Variants in MID1 observed in about 807,000 individuals in gnomAD.
MID1 encodes E3 ubiquitin-protein ligase Midline-1.
MID1 carries 7 observed loss-of-function variants against 40.4 expected under a neutral mutation model. The ratio of observed to expected loss-of-function variants is 0.17; its 90% CI spans 0.10 to 0.33. MID1 has a LOEUF of 0.33. Ranked by LOEUF, MID1 falls within the 10% of genes least tolerant of loss-of-function variation. The probability of loss-of-function intolerance (pLI) is 1.00; values close to 1 mark genes in which losing one functional copy is unlikely to be tolerated. For missense variants in MID1, 367 were observed against 558.5 expected (o/e 0.66, Z 3.46); for synonymous variants, 229 against 221.2 (o/e 1.04, Z -0.31).
intron 1 of MID1, among the ~76,000 whole-genome samples, chrX:10,746,204 T>C (rs954108240): frequency 3.6e-5 from 4 of 111,732 alleles, no homozygotes; most frequent in African/African-American, 1.3e-4. Context: ...AGAGACAATG[T>C]GGATTGTGAC....
intron 1 of MID1, among the ~76,000 whole-genome samples, chrX:10,651,672 C>G (rs1410280790): frequency 8.9e-6 from 1 of 112,617 alleles, no homozygotes. Flanking sequence ...GTTGTCCAGG[C>G]TGGAGTGCAT....
At chrX:10,672,055 T>G (rs1233258521) in intron 1 of MID1, among the ~76,000 whole-genome samples, 2 of 110,851 alleles carry the variant, frequency 1.8e-5, no homozygotes, top group East Asian at 2.8e-4. Flanking sequence ...TGAAACCCCA[T>G]GTCTGCAAAA....
chrX:10,451,374 G>A (rs183802278), intron 9 of MID1, among the ~76,000 whole-genome samples: 38 of 111,429 alleles, frequency 3.4e-4, no homozygotes, highest in East Asian at 1.1e-3. Context: ...CTAGATGAGC[G>A]CCTGAGTACA....
intron 1 of MID1, among the ~76,000 whole-genome samples, chrX:10,630,310 G>C (rs1187320544): frequency 1.8e-5 from 2 of 111,289 alleles, no homozygotes; most frequent in Non-Finnish European, 1.9e-5. Context: ...TATTTTATAG[G>C]GTGATATTTT....
intron 1 of MID1, among the ~76,000 whole-genome samples, chrX:10,651,551 G>A (rs977627214): frequency 8.9e-6 from 1 of 112,380 alleles, no homozygotes; most frequent in Non-Finnish European, 1.9e-5. Context: ...ATGCCTCTAC[G>A]TCTACTTGCT....
chrX:10,756,994 G>A (rs369259546), intron 1 of MID1, among the ~76,000 whole-genome samples: 2 of 111,631 alleles, frequency 1.8e-5, no homozygotes, highest in East Asian at 2.8e-4. Flanking sequence ...TGAATACCAG[G>A]AGCACCAGGT....
At chrX:10,814,652 T>G (rs911498549) in intron 1 of MID1, among the ~76,000 whole-genome samples, 1 of 110,601 alleles carries the variant, frequency 9.0e-6, no homozygotes, top group Non-Finnish European at 1.9e-5. Context: ...TTTAGTTATA[T>G]CACTGCAAAG....
chrX:10,559,937 T>C (rs1470210010), intron 2 of MID1, among the ~76,000 whole-genome samples: 1 of 108,462 alleles, frequency 9.2e-6, no homozygotes, highest in Non-Finnish European at 1.9e-5. Context: ...GGTTGGAGCA[T>C]AGTGGTGTAA....
At chrX:10,454,058 C>A (rs1219463732) in intron 9 of MID1, among the ~76,000 whole-genome samples, 1 of 112,343 alleles carries the variant, frequency 8.9e-6, no homozygotes, top group African/African-American at 3.2e-5. Flanking sequence ...GTGAGACAGA[C>A]GGTCAAAGGG....
intron 1 of MID1, among the ~76,000 whole-genome samples, chrX:10,719,420 C>G (rs1268599335): frequency 7.2e-4 from 80 of 110,991 alleles, no homozygotes; most frequent in Non-Finnish European, 1.4e-3. Flanking sequence ...AACAGAGAGC[C>G]AAATCATGAG....
chrX:10,821,855 G>T (rs1351080526), intron 1 of MID1, among the ~76,000 whole-genome samples: 1 of 110,214 alleles, frequency 9.1e-6, no homozygotes, highest in Non-Finnish European at 1.9e-5. Flanking sequence ...AGCAATTTGT[G>T]GCTTGCCTCT....
chrX:10,701,386 G>C (rs1425914198), intron 1 of MID1, among the ~76,000 whole-genome samples: 2 of 111,774 alleles, frequency 1.8e-5, no homozygotes, highest in Non-Finnish European at 3.8e-5. Context: ...ATGCTTAGAA[G>C]GACAAAATAG....
intron 7 of MID1, among the ~76,000 whole-genome samples, chrX:10,466,827 G>C (rs752800614): frequency 8.9e-6 from 1 of 112,027 alleles, no homozygotes; most frequent in East Asian, 2.8e-4. Flanking sequence ...ATGTAGCCAA[G>C]ATCAGTGAAA....
chrX:10,506,986 C>T (rs931396441), intron 3 of MID1, among the ~76,000 whole-genome samples: 1 of 111,577 alleles, frequency 9.0e-6, no homozygotes, highest in East Asian at 2.8e-4. Flanking sequence ...ATGTATATTT[C>T]CTCATCTAGT....
intron 2 of MID1, among the ~76,000 whole-genome samples, chrX:10,537,436 C>T (rs183210730): frequency 4.5e-5 from 5 of 112,241 alleles, no homozygotes; most frequent in Middle Eastern, 4.7e-3. Flanking sequence ...CTGTGACCTT[C>T]GTCTATCACT....
chrX:10,479,249 A>G (rs1042285649), intron 5 of MID1, among the ~76,000 whole-genome samples: 15 of 112,197 alleles, frequency 1.3e-4, no homozygotes, highest in Non-Finnish European at 2.1e-4. Flanking sequence ...TATGGAGTAC[A>G]TGAGATATTT....
At chrX:10,712,813 CTTTA>C (rs940577253) in intron 1 of MID1, among the ~76,000 whole-genome samples, 3 of 111,401 alleles carry the variant, frequency 2.7e-5, no homozygotes, top group Non-Finnish European at 5.7e-5. Context: ...GTTCACTATG[CTTTA>C]TTTATTATTT....
Position 10,446,622 on chromosome X carries a change from A to G in MID1, c.*2746T>C, listed in dbSNP as rs1000561972. On this transcript the variant is annotated 3_prime_UTR_variant, in exon 10 of 10. Transcript: ENST00000317552. ...TTCTTTATTTGTATCCACCAGGAAG[A>G]GAGGTACCACGTTTCTGAGTTCTTT... is the stretch of plus-strand genomic sequence containing the variant. The G allele has an allele frequency of 2.7e-5, 3 of 112,404 alleles. No individual in the cohort carries two copies. Among genetic ancestry groups the G allele is most frequent in the African/African-American group, 9.7e-5 (3 of 30,901 alleles). The allele number at this position is 112,404 out of a possible 1,213,427, so 9.3% of individuals were successfully genotyped here.
upstream of MID1, among the ~76,000 whole-genome samples, chrX:10,621,228 T>A (rs914464953): frequency 2.7e-5 from 3 of 110,785 alleles, no homozygotes; most frequent in Non-Finnish European, 5.7e-5. Flanking sequence ...AAAAAAAAAA[T>A]TTAGTGCATC....
Sources: gnomAD v4.1 joint callset for allele counts (sites outside exome capture counted in the v4.1 genomes callset) on GRCh38, gnomAD v4.1.1 for gene constraint, MANE v1.5 for transcripts, NCBI Gene and HGNC (gene_info 2026-07-23, HGNC 2026-07-21) for gene names.